The following BTBD9 variants were observed in gnomAD, a reference collection of about 807,000 sequenced individuals.
BTBD9 encodes BTB/POZ domain-containing protein 9.
A neutral mutation model predicts 64.3 loss-of-function variants in BTBD9; 49 were observed. The observed-to-expected ratio is 0.76, with a 90% CI of 0.61 to 0.97. The LOEUF is 0.97. BTBD9 is among the 50% of genes least tolerant of loss of function. BTBD9 has a pLI of 0.00. For missense variants in BTBD9, 598 were observed against 762.1 expected (o/e 0.78, Z 2.53); for synonymous variants, 260 against 274.7 (o/e 0.95, Z 0.53).
intron 8 of BTBD9, among the ~76,000 whole-genome samples, chr6:38,278,212 A>G (rs1055338574): frequency 2.6e-5 from 4 of 152,360 alleles, no homozygotes; most frequent in African/African-American, 9.6e-5. Context: ...AAGACCAAGA[A>G]AATTGTAGAG....
intron 1 of BTBD9, among the ~76,000 whole-genome samples, chr6:38,615,917 T>C (rs1319282404): frequency 6.6e-6 from 1 of 152,174 alleles, no homozygotes; most frequent in Non-Finnish European, 1.5e-5. Context: ...GGCAGAAATG[T>C]AAGATGGCAC....
At chr6:38,180,699 A>G (rs1048007329) in intron 10 of BTBD9, among the ~76,000 whole-genome samples, 2 of 151,780 alleles carry the variant, frequency 1.3e-5, no homozygotes, top group South Asian at 2.1e-4. Flanking sequence ...CAAAACCATT[A>G]CTCTGGCCGC....
intron 6 of BTBD9, among the ~76,000 whole-genome samples, chr6:38,371,183 G>A (rs148687572): frequency 2.8e-3 from 420 of 152,288 alleles, no homozygotes; most frequent in Non-Finnish European, 3.9e-3. Context: ...GCTTTAATGG[G>A]TCTCAGCAGT....
chr6:38,394,360 G>A (rs999716040), intron 6 of BTBD9, among the ~76,000 whole-genome samples: 1 of 152,146 alleles, frequency 6.6e-6, no homozygotes, highest in Non-Finnish European at 1.5e-5. Context: ...GACATATCTG[G>A]ATTGGAACTT....
chr6:38,314,356 C>G (rs964286484), intron 7 of BTBD9, among the ~76,000 whole-genome samples: 1 of 151,462 alleles, frequency 6.6e-6, no homozygotes, highest in Non-Finnish European at 1.5e-5. Flanking sequence ...CCACTACACC[C>G]GGCTAATTTT....
chr6:38,587,936 G>T, intron 4 of BTBD9: 1 of 723,776 alleles, frequency 1.4e-6, no homozygotes, highest in East Asian at 2.6e-5. Flanking sequence ...TCCTGCAGAA[G>T]ACTGTTCAGG....
intron 6 of BTBD9, among the ~76,000 whole-genome samples, chr6:38,450,892 T>C (rs970108937): frequency 6.6e-6 from 1 of 152,168 alleles, no homozygotes; most frequent in Non-Finnish European, 1.5e-5. Context: ...TAGTTGACCT[T>C]TGAAGCTTCA....
At chr6:38,402,823 T>C (rs771554513) in intron 6 of BTBD9, 74 of 700,846 alleles carry the variant, frequency 1.1e-4, no homozygotes, top group Non-Finnish European at 1.8e-4. Context: ...ATACCTGCAC[T>C]TTGGAAGGCC....
intron 9 of BTBD9, among the ~76,000 whole-genome samples, chr6:38,249,668 C>T (rs141885363): frequency 0.014 from 2,140 of 151,364 alleles, 22 homozygotes; most frequent in Non-Finnish European, 0.023. Context: ...TATTTCTTCC[C>T]TTCGGGAGTC....
intron 6 of BTBD9, among the ~76,000 whole-genome samples, chr6:38,356,903 G>A (rs1450947113): frequency 6.6e-6 from 1 of 152,180 alleles, no homozygotes; most frequent in East Asian, 1.9e-4. Flanking sequence ...TGGTGAAACA[G>A]GATAGAAGAA....
chr6:38,341,213 A>G (rs887841318), intron 7 of BTBD9, among the ~76,000 whole-genome samples: 2 of 152,194 alleles, frequency 1.3e-5, no homozygotes, highest in Non-Finnish European at 2.9e-5. Context: ...CTCACTCCAG[A>G]CTTTGAAACA....
intron 6 of BTBD9, among the ~76,000 whole-genome samples, chr6:38,525,314 T>G (rs1469014656): frequency 3.3e-5 from 5 of 152,216 alleles, no homozygotes; most frequent in Non-Finnish European, 7.3e-5. Context: ...TCTGCCATGA[T>G]TGTAAGTTTC....
chr6:38,465,523 C>T (rs9688895), intron 6 of BTBD9, among the ~76,000 whole-genome samples: 1 of 141,890 alleles, frequency 7.0e-6, no homozygotes, highest in Non-Finnish European at 1.5e-5. Flanking sequence ...CCCAGCTACT[C>T]GGGAGGCTGA....
At chr6:38,472,544 T>C (rs1163054482) in intron 6 of BTBD9, among the ~76,000 whole-genome samples, 1 of 152,090 alleles carries the variant, frequency 6.6e-6, no homozygotes, top group African/African-American at 2.4e-5. Context: ...AAAAATTATA[T>C]ATGAAATCCA....
intron 6 of BTBD9, among the ~76,000 whole-genome samples, chr6:38,382,510 T>A: frequency 6.9e-6 from 1 of 145,690 alleles, no homozygotes. Flanking sequence ...CAGCCAGACC[T>A]TGTCTCAAAA....
intron 6 of BTBD9, among the ~76,000 whole-genome samples, chr6:38,550,568 A>G (rs887136344): frequency 2.0e-5 from 3 of 152,034 alleles, no homozygotes; most frequent in East Asian, 3.9e-4. Context: ...TGCCCACCTC[A>G]GCCTCCCAAA....
At chr6:38,542,729 C>G (rs893205187) in intron 6 of BTBD9, among the ~76,000 whole-genome samples, 4 of 152,118 alleles carry the variant, frequency 2.6e-5, no homozygotes, top group Non-Finnish European at 4.4e-5. Flanking sequence ...TTCCACTTGC[C>G]CTAACCTGGG....
intron 6 of BTBD9, among the ~76,000 whole-genome samples, chr6:38,473,089 C>A (rs1770721702): frequency 6.6e-6 from 1 of 152,166 alleles, no homozygotes; most frequent in African/African-American, 2.4e-5. Context: ...GGTCCAACTT[C>A]TGTTTCTCTT....
intron 6 of BTBD9, among the ~76,000 whole-genome samples, chr6:38,454,651 A>T (rs1769715031): frequency 6.6e-6 from 1 of 151,828 alleles, no homozygotes; most frequent in Admixed American, 6.6e-5. Context: ...TTTAAAAACT[A>T]GCTGGGCATG....
Sources: allele counts gnomAD v4.1 joint callset (sites outside exome capture counted in the v4.1 genomes callset), GRCh38; gene constraint gnomAD v4.1.1; transcripts MANE v1.5; gene names NCBI Gene and HGNC (gene_info 2026-07-23, HGNC 2026-07-21).